The following DOT1L variants were observed in gnomAD, a reference collection of about 807,000 sequenced individuals.
DOT1L encodes the protein DOT1 like histone lysine methyltransferase, also known as histone-lysine N-methyltransferase, H3 lysine-79 specific.
Under a neutral mutation model 153.3 loss-of-function variants are expected in DOT1L, and 33 were observed. That is an observed-to-expected ratio of 0.22 (90% CI 0.16 to 0.29). The LOEUF is 0.29. DOT1L is among the 10% of genes least tolerant of loss of function. The pLI is 1.00. For missense variants in DOT1L, 1,847 were observed against 2,119.9 expected, an observed-to-expected ratio of 0.87 and a Z score of 2.53; for synonymous variants, 1,135 against 965.1, an observed-to-expected ratio of 1.18 and a Z score of -3.26.
chr19:2,169,244 T>C (rs1402214758), intron 1 of DOT1L, among the ~76,000 whole-genome samples: 3 of 152,156 alleles, frequency 2.0e-5, no homozygotes, highest in Admixed American at 6.6e-5. Flanking sequence ...TATTTTCTGC[T>C]GCTGACCTCT....
intron 1 of DOT1L, among the ~76,000 whole-genome samples, chr19:2,172,861 G>T (rs937280394): frequency 6.6e-6 from 1 of 151,584 alleles, no homozygotes; most frequent in Non-Finnish European, 1.5e-5. Flanking sequence ...GTATCATAAA[G>T]TTCACCTGTT....
chr19:2,172,919 G>A (rs1429021107), intron 1 of DOT1L, among the ~76,000 whole-genome samples: 4 of 151,706 alleles, frequency 2.6e-5, no homozygotes, highest in Non-Finnish European at 5.9e-5. Context: ...GGAGCTTGCA[G>A]TGAGCTGAGA....
intron 9 of DOT1L, among the ~76,000 whole-genome samples, chr19:2,206,190 C>T (rs933757555): frequency 6.6e-6 from 1 of 151,784 alleles, no homozygotes; most frequent in Non-Finnish European, 1.5e-5. Context: ...AGTAGAGACA[C>T]GGTTTTACCC....
At chr19:2,166,306 G>T (rs535077667) in intron 1 of DOT1L, among the ~76,000 whole-genome samples, 2 of 150,814 alleles carry the variant, frequency 1.3e-5, no homozygotes, top group Non-Finnish European at 1.5e-5. Context: ...ATGTTCATCA[G>T]GCTGCTCTTG....
At chr19:2,173,531 G>A (rs73514438) in intron 1 of DOT1L, among the ~76,000 whole-genome samples, 6 of 152,266 alleles carry the variant, frequency 3.9e-5, no homozygotes, top group Admixed American at 2.6e-4. Flanking sequence ...CTTCCTTAGC[G>A]CCTCCGTCTG....
intron 1 of DOT1L, among the ~76,000 whole-genome samples, chr19:2,178,178 C>T (rs1373729799): frequency 3.3e-5 from 5 of 150,754 alleles, no homozygotes; most frequent in South Asian, 2.1e-4. Context: ...GTGATCCACC[C>T]GCCTCGGCCT....
chr19:2,223,530 G>A (rs1159198208), intron 25 of DOT1L, 44 bp downstream of exon 25: 1 of 1,248,822 alleles, frequency 8.0e-7, no homozygotes, highest in South Asian at 1.2e-5. Flanking sequence ...GGCAGCAGGG[G>A]CAGGAGGTGC....
Position 2,206,263 on chromosome 19 carries a change from G to A in DOT1L, c.788-466G>A, listed in dbSNP as rs566983575. ...AGCCTCCCAAAGTGCTGGGATTACAGGCATGAGCCACTGCACCGCGCCGAG... is the reference window on the plus strand; with the variant it reads ...AGCCTCCCAAAGTGCTGGGATTACAAGCATGAGCCACTGCACCGCGCCGAG... On this transcript the variant is annotated intron_variant, in intron 9 of 27. Transcript: ENST00000398665. 2.0e-5 allele frequency among the ~76,000 whole-genome samples: 3 copies of A among 152,296 alleles called. No homozygotes were observed. The East Asian group carries it at 5.8e-4, about 29-fold the overall frequency.
intron 27 of DOT1L, 146 bp downstream of exon 27, chr19:2,227,273 T>C: frequency 9.6e-7 from 1 of 1,042,794 alleles, no homozygotes; most frequent in East Asian, 2.4e-5. Flanking sequence ...CCGTGCACGG[T>C]GGCGAACTCC....
intron 1 of DOT1L, among the ~76,000 whole-genome samples, chr19:2,165,325 TG>T (rs1230996655): frequency 6.6e-6 from 1 of 152,002 alleles, no homozygotes; most frequent in Non-Finnish European, 1.5e-5. Flanking sequence ...ACGTGCTCGC[TG>T]GGGGCGGGGT....
chr19:2,227,231 C>T (rs950049274), intron 27 of DOT1L, 104 bp downstream of exon 27: 1 of 1,447,868 alleles, frequency 6.9e-7, no homozygotes, highest in Non-Finnish European at 9.6e-7. Flanking sequence ...AGCTGAGCTG[C>T]AGGTCCCCTG....
Position 2,221,962 on chromosome 19 carries a change from G to A in DOT1L, c.2807-14G>A, listed in dbSNP as rs1439656737. ...ATCCTGTGTCCCCTGAGACCCCCATGTCCTTCCCGGCAGGCTTCTCCTACG... is the reference window on the plus strand; with the variant it reads ...ATCCTGTGTCCCCTGAGACCCCCATATCCTTCCCGGCAGGCTTCTCCTACG... On this transcript the variant is annotated splice_polypyrimidine_tract_variant and intron_variant, in intron 23 of 27. Transcript: ENST00000398665. 1 of 1,590,030 alleles carries A rather than the reference G, an allele frequency of 6.3e-7. No homozygotes were observed. Among genetic ancestry groups the A allele is most frequent in the Admixed American group, 1.7e-5 (1 of 58,662 alleles).
chr19:2,202,806 G>C (rs750523568), intron 9 of DOT1L, 27 bp downstream of exon 9: 1 of 1,613,694 alleles, frequency 6.2e-7, no homozygotes, highest in Non-Finnish European at 8.5e-7. Flanking sequence ...GCCGGTCTGT[G>C]CTGGTGTGAC....
At chr19:2,196,534 T>C (rs932334197) in intron 7 of DOT1L, among the ~76,000 whole-genome samples, 5 of 152,270 alleles carry the variant, frequency 3.3e-5, no homozygotes, top group African/African-American at 9.6e-5. Flanking sequence ...AGTTTCACCA[T>C]GTTGGTCAGG....
intron 1 of DOT1L, among the ~76,000 whole-genome samples, chr19:2,167,775 G>A (rs565070742): frequency 1.7e-4 from 23 of 138,494 alleles, no homozygotes; most frequent in Non-Finnish European, 2.7e-4. Flanking sequence ...TTGCTCTATC[G>A]CCCAGGCTGG....
chr19:2,228,218 C>T, intron 27 of DOT1L: 1 of 1,363,928 alleles, frequency 7.3e-7, no homozygotes, highest in Non-Finnish European at 9.8e-7. Flanking sequence ...AGCCCCTGCC[C>T]CGGCTGGCCC....
Position 2,230,521 on chromosome 19 carries a change from C to A in DOT1L, c.*729C>A. ...GTGAGGACGGCGCGGGCACGTTGAACAAGTGCATTTACTTTTGTATTTCTC... is the reference window on the plus strand; with the variant it reads ...GTGAGGACGGCGCGGGCACGTTGAAAAAGTGCATTTACTTTTGTATTTCTC... On this transcript the variant is annotated 3_prime_UTR_variant, in exon 28 of 28. Coordinates refer to ENST00000398665, the MANE Select transcript of DOT1L (RefSeq NM_032482.3). The A allele has an allele frequency of 2.5e-6, 1 of 398,794 alleles. No homozygotes were observed. Among genetic ancestry groups the A allele is most frequent in the Non-Finnish European group, 4.4e-6 (1 of 226,136 alleles). 24.7% of individuals were successfully genotyped at this position (398,794 alleles called of 1,614,324 possible). A position where few individuals can be genotyped will look rare whatever the true frequency, so the allele number is the denominator to read the frequency against.
At chr19:2,195,031 T>A (rs1469242963) in intron 7 of DOT1L, among the ~76,000 whole-genome samples, 1 of 152,102 alleles carries the variant, frequency 6.6e-6, no homozygotes, top group Non-Finnish European at 1.5e-5. Flanking sequence ...CGCCCTGTTG[T>A]GATGCAGTCT....
In DOT1L at chr19:2,230,257, C is replaced by T. The variant is rs973239638; in HGVS notation, c.*465C>T. On this transcript the variant is annotated 3_prime_UTR_variant, in exon 28 of 28. Transcript: ENST00000398665. ...CCCGTTCTCGGAAACGCCGCCCGGC[C>T]GGCTCCCCCGACGCGCTGCTCCCGT... The T allele has an allele frequency of 4.3e-4, 182 of 421,276 alleles. 1 individual carries two copies. The highest frequency in any genetic ancestry group is 1.2e-4 in the Non-Finnish European group (29 of 240,224). 26.1% of individuals were successfully genotyped at this position (421,276 alleles called of 1,614,324 possible).
Sources: gnomAD v4.1 joint callset for allele counts (sites outside exome capture counted in the v4.1 genomes callset) on GRCh38, gnomAD v4.1.1 for gene constraint, MANE v1.5 for transcripts, NCBI Gene and HGNC (gene_info 2026-07-23, HGNC 2026-07-21) for gene names.